The following DENND1A variants were observed in gnomAD, a reference collection of about 807,000 sequenced individuals.
DENND1A encodes the protein DENN domain containing 1A, also known as DENN domain-containing protein 1A.
Under a neutral mutation model 113.7 loss-of-function variants are expected in DENND1A, and 51 were observed. The observed-to-expected ratio is 0.45, with a 90% confidence interval of 0.36 to 0.57. DENND1A has a LOEUF of 0.57. DENND1A is among the 20% of genes least tolerant of loss of function. DENND1A has a pLI of 0.00. For synonymous variants in DENND1A, 565 were observed against 570.8 expected (o/e 0.99, Z 0.14); for missense variants, 1,258 against 1,395.9 (o/e 0.90, Z 1.57).
intron 18 of DENND1A, among the ~76,000 whole-genome samples, chr9:123,448,413 A>G (rs1269013818): frequency 6.6e-6 from 1 of 151,762 alleles, no homozygotes; most frequent in African/African-American, 2.4e-5. Flanking sequence ...GTCTGCAGAG[A>G]GTGGATCTGA....
At chr9:123,479,861 G>A (rs564623626) in intron 13 of DENND1A, among the ~76,000 whole-genome samples, 14 of 152,358 alleles carry the variant, frequency 9.2e-5, no homozygotes, top group African/African-American at 2.2e-4. Context: ...ACTGCAGGGT[G>A]ATTTGTGGTT....
rs187790941 is a variant in DENND1A at position 123,638,951 on chromosome 9, G to A, written c.619-8475C>T. On this transcript the variant is annotated intron_variant, in intron 9 of 23. Coordinates refer to ENST00000394215, the MANE Select transcript of DENND1A (RefSeq NM_001352964.2). The stretch of plus-strand genomic sequence containing the variant: ...TTAAAAAGAAAGCATAACTGAACAT[G>A]GAATCGTGAGTACCTATCTGTCAGG... 1.2e-3 allele frequency among the ~76,000 whole-genome samples: 171 copies of A among 143,436 alleles called. 1 individual carries two copies. The highest frequency in any genetic ancestry group is 4.2e-3 in the African/African-American group (164 of 38,658). 94.1% of individuals were successfully genotyped at this position (143,436 alleles called of 152,430 possible). A position where few individuals can be genotyped will look rare whatever the true frequency, so the allele number is the denominator to read the frequency against.
intron 13 of DENND1A, among the ~76,000 whole-genome samples, chr9:123,552,025 G>C (rs1299414873): frequency 7.0e-5 from 10 of 142,912 alleles, no homozygotes; most frequent in African/African-American, 1.4e-4. Flanking sequence ...GAGCGAGAGA[G>C]AGAGAGAGAG....
At chr9:123,914,493 C>T (rs541964626) in intron 1 of DENND1A, among the ~76,000 whole-genome samples, 5 of 142,632 alleles carry the variant, frequency 3.5e-5, no homozygotes, top group Non-Finnish European at 6.0e-5. Context: ...TGCAATAAGC[C>T]GAGATCGCGC....
chr9:123,845,433 G>A (rs1344522004), intron 2 of DENND1A, among the ~76,000 whole-genome samples: 4 of 151,868 alleles, frequency 2.6e-5, no homozygotes, highest in Non-Finnish European at 5.9e-5. Context: ...GGGAAGCTGA[G>A]GCAGAAGAAT....
intron 2 of DENND1A, among the ~76,000 whole-genome samples, chr9:123,864,681 G>A (rs988392034): frequency 1.1e-4 from 16 of 151,826 alleles, no homozygotes; most frequent in Non-Finnish European, 1.5e-4. Context: ...AACTCCTGCC[G>A]CTAATATAAA....
At chr9:123,806,119 A>C (rs575745887) in intron 2 of DENND1A, among the ~76,000 whole-genome samples, 95 of 151,002 alleles carry the variant, frequency 6.3e-4, no homozygotes, top group African/African-American at 2.2e-3. Context: ...ATGCCTGGCT[A>C]ATTTTTGTAT....
intron 20 of DENND1A, among the ~76,000 whole-genome samples, chr9:123,407,684 C>G (rs545544703): frequency 6.6e-6 from 1 of 152,146 alleles, no homozygotes; most frequent in Non-Finnish European, 1.5e-5. Flanking sequence ...ATCCCAGCCG[C>G]GTCCGGGGAG....
At chr9:123,674,393 C>CACA (rs2063939253) in intron 6 of DENND1A, among the ~76,000 whole-genome samples, 1 of 139,004 alleles carries the variant, frequency 7.2e-6, no homozygotes, top group African/African-American at 2.7e-5. Context: ...CACACACACA[C>CACA]AATAGAAGCC....
chr9:123,737,599 TAC>T (rs2068665296), intron 5 of DENND1A, among the ~76,000 whole-genome samples: 1 of 152,170 alleles, frequency 6.6e-6, no homozygotes, highest in Admixed American at 6.5e-5. Context: ...AAGATTTTTG[TAC>T]ACATTCCTCG....
At chr9:123,843,877 T>A (rs1325987374) in intron 2 of DENND1A, among the ~76,000 whole-genome samples, 1 of 152,158 alleles carries the variant, frequency 6.6e-6, no homozygotes, top group Non-Finnish European at 1.5e-5. Flanking sequence ...GTACTTACGA[T>A]AGAATTTTTA....
At chr9:123,536,466 CAA>C (rs549789129) in intron 13 of DENND1A, among the ~76,000 whole-genome samples, 49 of 91,668 alleles carry the variant, frequency 5.3e-4, no homozygotes, top group Non-Finnish European at 5.8e-4. Context: ...ACTCTGTCTC[CAA>C]AAAAAAAAAA....
chr9:123,698,201 A>C (rs1193846647), intron 5 of DENND1A, among the ~76,000 whole-genome samples: 1 of 152,200 alleles, frequency 6.6e-6, no homozygotes, highest in East Asian at 1.9e-4. Flanking sequence ...AAGTCCAAAG[A>C]ACAAACCAAG....
intron 5 of DENND1A, among the ~76,000 whole-genome samples, chr9:123,697,536 C>T (rs894826349): frequency 6.6e-6 from 1 of 152,172 alleles, no homozygotes; most frequent in Non-Finnish European, 1.5e-5. Flanking sequence ...ATCTCTTGCC[C>T]CGTCCCATTC....
chr9:123,554,238 T>A (rs1287076703), intron 13 of DENND1A, among the ~76,000 whole-genome samples: 3 of 152,168 alleles, frequency 2.0e-5, no homozygotes, highest in East Asian at 3.9e-4. Context: ...TCAACATTTT[T>A]AAAAGACAGG....
At chr9:123,630,556 A>G in intron 9 of DENND1A, 80 bp from the exon 10 acceptor site, 2 of 933,060 alleles carry the variant, frequency 2.1e-6, no homozygotes, top group Admixed American at 3.4e-5. Flanking sequence ...ATACAATTCT[A>G]TAATTCTTCA....
intron 13 of DENND1A, among the ~76,000 whole-genome samples, chr9:123,481,372 C>T (rs1050680660): frequency 6.6e-6 from 1 of 152,154 alleles, no homozygotes; most frequent in Non-Finnish European, 1.5e-5. Flanking sequence ...AACAAGGAAG[C>T]GGGAGCGGGA....
At chr9:123,519,360 G>T (rs1372156638) in intron 13 of DENND1A, among the ~76,000 whole-genome samples, 1 of 151,984 alleles carries the variant, frequency 6.6e-6, no homozygotes, top group East Asian at 1.9e-4. Flanking sequence ...CCCCCAATTT[G>T]TTCATGCCTC....
At chr9:123,468,531 C>G (rs963139580) in intron 13 of DENND1A, among the ~76,000 whole-genome samples, 3 of 152,232 alleles carry the variant, frequency 2.0e-5, no homozygotes, top group African/African-American at 7.2e-5. Context: ...GCAGTCCCAT[C>G]TCAGTTGCAT....
Sources: gnomAD v4.1 joint callset for allele counts (sites outside exome capture counted in the v4.1 genomes callset) on GRCh38, gnomAD v4.1.1 for gene constraint, MANE v1.5 for transcripts, NCBI Gene and HGNC (gene_info 2026-07-23, HGNC 2026-07-21) for gene names.